Variants in MLLT3 observed in about 807,000 individuals in gnomAD.
MLLT3 encodes the protein protein AF-9.
In MLLT3, 4 loss-of-function variants were observed where a neutral mutation model predicts 53.2. That is an observed-to-expected ratio of 0.08 (90% CI 0.04 to 0.17). The LOEUF is 0.17. Ranked by LOEUF, MLLT3 falls within the 10% of genes least tolerant of loss-of-function variation. The pLI is 1.00. For missense variants in MLLT3, 569 were observed against 684.0 expected (o/e 0.83, Z 1.87); for synonymous variants, 283 against 230.6 (o/e 1.23, Z -2.06).
intron 5 of MLLT3, among the ~76,000 whole-genome samples, chr9:20,396,690 T>C (rs1563949398): frequency 6.6e-6 from 1 of 152,080 alleles, no homozygotes. Context: ...TTGGTGGGCG[T>C]AGATGCCGTC....
At chr9:20,418,002 C>A (rs915183893) in intron 4 of MLLT3, among the ~76,000 whole-genome samples, 1 of 152,212 alleles carries the variant, frequency 6.6e-6, no homozygotes, top group Non-Finnish European at 1.5e-5. Flanking sequence ...TCTACTTTAA[C>A]TGGCTTCTGT....
chr9:20,522,736 T>C (rs1818095425), intron 2 of MLLT3, among the ~76,000 whole-genome samples: 1 of 151,982 alleles, frequency 6.6e-6, no homozygotes, highest in Non-Finnish European at 1.5e-5. Context: ...AGCCACAGAC[T>C]AGAAGGAAAT....
At chr9:20,558,129 G>A (rs561077011) in intron 2 of MLLT3, among the ~76,000 whole-genome samples, 31 of 152,286 alleles carry the variant, frequency 2.0e-4, no homozygotes, top group African/African-American at 6.5e-4. Flanking sequence ...CAGCAGCTCT[G>A]GAGAACATGG....
intron 9 of MLLT3, 31 bp downstream of exon 9, chr9:20,354,777 G>A (rs773189683): frequency 9.9e-6 from 14 of 1,409,276 alleles, no homozygotes; most frequent in Non-Finnish European, 1.3e-5. Flanking sequence ...GTCAGTGTTG[G>A]AGCCCTCCTA....
intron 2 of MLLT3, among the ~76,000 whole-genome samples, chr9:20,544,476 T>C (rs758163370): frequency 8.5e-5 from 13 of 152,188 alleles, no homozygotes; most frequent in African/African-American, 1.4e-4. Context: ...CCAAGAGGCA[T>C]ATGAGAAGAT....
intron 2 of MLLT3, among the ~76,000 whole-genome samples, chr9:20,555,590 T>A (rs569206927): frequency 6.6e-6 from 1 of 152,292 alleles, no homozygotes; most frequent in East Asian, 1.9e-4. Context: ...AAAACAACTA[T>A]CTCTCCATCT....
At chr9:20,457,855 A>G (rs989486573) in intron 2 of MLLT3, among the ~76,000 whole-genome samples, 2 of 152,202 alleles carry the variant, frequency 1.3e-5, no homozygotes, top group African/African-American at 4.8e-5. Context: ...ATCAGTCACA[A>G]GCCAACTGAA....
intron 4 of MLLT3, among the ~76,000 whole-genome samples, chr9:20,441,983 G>A (rs746852190): frequency 6.6e-6 from 1 of 152,098 alleles, no homozygotes; most frequent in African/African-American, 2.4e-5. Context: ...AGAGGCTTCC[G>A]TATCTTTTTG....
intron 5 of MLLT3, among the ~76,000 whole-genome samples, chr9:20,389,441 A>G (rs150663345): frequency 8.3e-4 from 126 of 152,256 alleles, no homozygotes; most frequent in African/African-American, 2.8e-3. Flanking sequence ...TTGTTCCAGT[A>G]TGTATTGTGG....
intron 2 of MLLT3, among the ~76,000 whole-genome samples, chr9:20,485,102 C>T (rs553780985): frequency 1.0e-3 from 156 of 152,072 alleles, no homozygotes; most frequent in African/African-American, 3.7e-3. Flanking sequence ...AATTCTCCTC[C>T]CTCAGCCTCC....
chr9:20,587,702 T>C (rs895502160), intron 2 of MLLT3, among the ~76,000 whole-genome samples: 1 of 152,174 alleles, frequency 6.6e-6, no homozygotes, highest in Non-Finnish European at 1.5e-5. Context: ...GTTTTTTTCT[T>C]GTAAATTTGT....
chr9:20,565,552 C>T (rs1051094415), intron 2 of MLLT3, among the ~76,000 whole-genome samples: 5 of 151,892 alleles, frequency 3.3e-5, no homozygotes, highest in African/African-American at 7.3e-5. Context: ...CTTAATATTC[C>T]CATTGAAACA....
Position 20,490,237 on chromosome 9 carries a change from A to G in MLLT3, c.194-33451T>C, listed in dbSNP as rs140866813. Among the ~76,000 whole-genome samples the G allele has an allele frequency of 5.6e-3, 854 of 152,342 alleles. 6 individuals are homozygous for G. The highest frequency in any genetic ancestry group is 8.5e-3 in the Non-Finnish European group (578 of 68,032). On this transcript the variant is annotated intron_variant, in intron 2 of 10. Transcript: ENST00000380338. ...ACTATTGTGAAGGGATTCTGCAAAT[A>G]TAAGTTTACTAATCAACTGACCATA...
intron 5 of MLLT3, among the ~76,000 whole-genome samples, chr9:20,382,048 G>A (rs912509624): frequency 5.3e-5 from 8 of 151,638 alleles, no homozygotes; most frequent in Non-Finnish European, 7.4e-5. Flanking sequence ...AGAGGAGAAG[G>A]GTATCTTTTT....
intron 5 of MLLT3, among the ~76,000 whole-genome samples, chr9:20,384,982 A>G (rs1428259764): frequency 6.6e-6 from 1 of 152,122 alleles, no homozygotes; most frequent in Non-Finnish European, 1.5e-5. Flanking sequence ...TTGCCTTTTT[A>G]GATCTCATAA....
intron 4 of MLLT3, among the ~76,000 whole-genome samples, chr9:20,425,079 G>A (rs557244501): frequency 6.6e-6 from 1 of 152,210 alleles, no homozygotes; most frequent in African/African-American, 2.4e-5. Context: ...AGAAGAGAAG[G>A]GAAATAACTT....
chr9:20,503,597 G>T (rs1454175869), intron 2 of MLLT3, among the ~76,000 whole-genome samples: 1 of 152,044 alleles, frequency 6.6e-6, no homozygotes, highest in African/African-American at 2.4e-5. Context: ...AATACTAGAA[G>T]AAAACATAGC....
At chr9:20,553,993 G>T (rs1233767839) in intron 2 of MLLT3, among the ~76,000 whole-genome samples, 1 of 152,094 alleles carries the variant, frequency 6.6e-6, no homozygotes, top group African/African-American at 2.4e-5. Flanking sequence ...CAAATCAATT[G>T]TAATGGTCCA....
rs138432985 is a variant in MLLT3, at chr9:20,501,910, G to T, written c.194-45124C>A. 8.5e-4 allele frequency among the ~76,000 whole-genome samples: 128 copies of T among 151,328 alleles called. No homozygotes were observed. The East Asian group carries it at 0.021, about 25-fold the overall frequency. ...AGCCTGGCCAATATGGTGAAACCTCGTCTCTACTAAAAATACAAAAATTAG... is the reference window on the plus strand; with the variant it reads ...AGCCTGGCCAATATGGTGAAACCTCTTCTCTACTAAAAATACAAAAATTAG... On this transcript the variant is annotated intron_variant, in intron 2 of 10. Transcript: ENST00000380338.
Sources: allele counts gnomAD v4.1 joint callset (sites outside exome capture counted in the v4.1 genomes callset), GRCh38; gene constraint gnomAD v4.1.1; transcripts MANE v1.5; gene names NCBI Gene and HGNC (gene_info 2026-07-23, HGNC 2026-07-21).